CEP350: variants seen among roughly 807,000 people sequenced by gnomAD.
CEP350 encodes the protein centrosome-associated protein 350.
In CEP350, 126 loss-of-function variants were observed where a neutral mutation model predicts 331.8. The ratio of observed to expected loss-of-function variants is 0.38; its 90% CI spans 0.33 to 0.44. The LOEUF (loss-of-function observed/expected upper bound fraction) is 0.44, where lower values mean the gene tolerates loss of function less well. CEP350 is among the 20% of genes least tolerant of loss of function. CEP350 has a pLI of 1.00. For missense variants in CEP350, 3,406 were observed against 3,634.6 expected, an observed-to-expected ratio of 0.94 and a Z score of 1.62; for synonymous variants, 1,200 against 1,259.5, an observed-to-expected ratio of 0.95 and a Z score of 1.00.
chr1:180,091,489 A>C (rs1660194894), intron 33 of CEP350, among the ~76,000 whole-genome samples: 1 of 152,204 alleles, frequency 6.6e-6, no homozygotes, highest in Non-Finnish European at 1.5e-5. Flanking sequence ...TCTTAGCTAA[A>C]TAGCTGTATA....
chr1:180,033,492 T>C (rs1393414302), intron 15 of CEP350, among the ~76,000 whole-genome samples: 1 of 152,198 alleles, frequency 6.6e-6, no homozygotes, highest in East Asian at 1.9e-4. Flanking sequence ...AAGACTCATA[T>C]ATGGCTCCAA....
At chr1:179,978,968 G>T (rs1257040545) in intron 1 of CEP350, among the ~76,000 whole-genome samples, 1 of 152,036 alleles carries the variant, frequency 6.6e-6, no homozygotes, top group African/African-American at 2.4e-5. Context: ...CTCTTCATCT[G>T]TTGTCGGACA....
chr1:180,096,278 A>G, intron 36 of CEP350, 94 bp downstream of exon 36: 2 of 1,380,682 alleles, frequency 1.4e-6, no homozygotes, highest in Non-Finnish European at 1.9e-6. Context: ...CTTCTGTATG[A>G]TTAACCTTTG....
At chr1:180,067,786 G>A (rs1382079581) in intron 27 of CEP350, among the ~76,000 whole-genome samples, 1 of 152,188 alleles carries the variant, frequency 6.6e-6, no homozygotes, top group Admixed American at 6.5e-5. Context: ...TTTGGTCTCT[G>A]AAACAAAGTA....
At chr1:180,053,715 A>G in intron 23 of CEP350, 35 bp from the exon 24 acceptor site, 2 of 1,336,062 alleles carry the variant, frequency 1.5e-6, no homozygotes, top group Non-Finnish European at 2.0e-6. Flanking sequence ...AAAAGGTTAG[A>G]TGATGATAAA....
chr1:180,098,844 ATTTGTCTTGTTTC>A lies in CEP350; in HGVS notation c.9067-18_9067-6del. The A allele has an allele frequency of 6.2e-7, 1 of 1,606,972 alleles. No individual in the cohort carries two copies. On this transcript the variant is annotated splice_region_variant and splice_polypyrimidine_tract_variant and intron_variant, in intron 36 of 37. Coordinates refer to ENST00000367607, the MANE Select transcript of CEP350 (RefSeq NM_014810.5). Reference sequence around the variant, plus strand: ...AATTTCTGTTGTTTGTGTTTCGTGTATTTGTCTTGTTTCCACAGAGCTTCATAGCAAGTGAAGT... The same window carrying A: ...AATTTCTGTTGTTTGTGTTTCGTGTACACAGAGCTTCATAGCAAGTGAAGT...
intron 6 of CEP350, 95 bp downstream of exon 6, chr1:179,997,270 G>C: frequency 3.6e-6 from 5 of 1,408,280 alleles, no homozygotes; most frequent in Non-Finnish European, 4.8e-6. Flanking sequence ...CTTTAGAACA[G>C]GATGTTATTC....
At chr1:179,973,840 T>TC (rs911274385) in intron 1 of CEP350, among the ~76,000 whole-genome samples, 20 of 152,070 alleles carry the variant, frequency 1.3e-4, no homozygotes, top group Non-Finnish European at 1.6e-4. Flanking sequence ...TTTCTTTTTC[T>TC]CCCCCTCATT....
rs1225271121 is a variant in CEP350 at position 180,114,746 on chromosome 1, G to T, written c.*3585G>T. On this transcript the variant is annotated 3_prime_UTR_variant, in exon 38 of 38. Transcript: ENST00000367607. ...GCAATTTTGCACCGAACACTTAAGG[G>T]TGTGGTTTGTAAGTACGATCTGTAA... 1 of 152,626 alleles carries T rather than the reference G, an allele frequency of 6.6e-6. No individual in the cohort carries two copies. The highest frequency in any genetic ancestry group is 2.4e-5 in the African/African-American group (1 of 41,440). The allele number at this position is 152,626 out of a possible 1,614,324, so 9.5% of individuals were successfully genotyped here.
At chr1:180,060,802 A>G (rs1571939407) in intron 25 of CEP350, among the ~76,000 whole-genome samples, 2 of 152,296 alleles carry the variant, frequency 1.3e-5, no homozygotes, top group East Asian at 1.9e-4. Flanking sequence ...AAATATATAC[A>G]TATGATATTT....
chr1:180,090,895 G>A, intron 33 of CEP350, 99 bp downstream of exon 33: 3 of 1,027,518 alleles, frequency 2.9e-6, no homozygotes, highest in South Asian at 3.3e-5. Context: ...TTATTAAAAA[G>A]TGAATTTCTT....
At chr1:180,066,569 C>T (rs1053466998) in intron 27 of CEP350, among the ~76,000 whole-genome samples, 11 of 152,192 alleles carry the variant, frequency 7.2e-5, no homozygotes, top group Admixed American at 5.2e-4. Context: ...AACGGCATTT[C>T]ATAACTTAAA....
chr1:180,019,630 G>GT (rs1655187158), intron 11 of CEP350, among the ~76,000 whole-genome samples: 1 of 151,978 alleles, frequency 6.6e-6, no homozygotes, highest in Non-Finnish European at 1.5e-5. Flanking sequence ...CTTTTTAATA[G>GT]TTTTTTAAAA....
chr1:179,986,657 A>G (rs1183484044), intron 2 of CEP350, among the ~76,000 whole-genome samples: 4 of 152,214 alleles, frequency 2.6e-5, no homozygotes, highest in African/African-American at 9.6e-5. Flanking sequence ...TTGACAAACT[A>G]GAGTACATCT....
chr1:180,090,868 C>A (rs1660153579), intron 33 of CEP350, 72 bp downstream of exon 33: 2 of 1,260,842 alleles, frequency 1.6e-6, no homozygotes, highest in East Asian at 2.9e-5. Context: ...CTACAAAATT[C>A]TACCTCTATA....
intron 14 of CEP350, 41 bp downstream of exon 14, chr1:180,024,623 G>A: frequency 2.6e-6 from 4 of 1,555,992 alleles, no homozygotes; most frequent in Non-Finnish European, 2.6e-6. Flanking sequence ...TCTTACCAAT[G>A]ATTTTGTTGT....
intron 9 of CEP350, 95 bp downstream of exon 9, chr1:180,012,170 C>A: frequency 1.7e-6 from 2 of 1,170,202 alleles, no homozygotes; most frequent in Non-Finnish European, 2.4e-6. Context: ...TGTGTTAGGA[C>A]TTTGCTTTAT....
intron 25 of CEP350, among the ~76,000 whole-genome samples, chr1:180,061,224 C>T (rs1489184195): frequency 6.6e-6 from 1 of 151,226 alleles, no homozygotes; most frequent in African/African-American, 2.4e-5. Context: ...GAGACAGGGT[C>T]TCACTCTGTT....
At position 180,006,506 on chromosome 1, in the gene CEP350, A is replaced by G; in HGVS notation, c.1185A>G (p.Val395=). 1 of 1,553,726 alleles carries G rather than the reference A, an allele frequency of 6.4e-7. No homozygotes were observed. The highest frequency in any genetic ancestry group is 8.7e-7 in the Non-Finnish European group (1 of 1,147,326). ...KPAEKSKEKK[V]VKPVRKVQKV... is the part of the protein sequence containing the mutation. The stretch of plus-strand genomic sequence containing the variant: ...CTGAAAAAAGTAAAGAGAAGAAAGT[A>G]GTCAAGCCAGTACGAAAAGTCCAAA... Residue 395 remains valine, a synonymous_variant, in exon 8 of 38, where the codon GTA becomes GTG. Coordinates refer to ENST00000367607, the MANE Select transcript of CEP350 (RefSeq NM_014810.5).
Sources: gnomAD v4.1 joint callset for allele counts (sites outside exome capture counted in the v4.1 genomes callset) on GRCh38, gnomAD v4.1.1 for gene constraint, MANE v1.5 for transcripts, NCBI Gene and HGNC (gene_info 2026-07-23, HGNC 2026-07-21) for gene names.